CADM4: variants seen among roughly 807,000 people sequenced by gnomAD.
CADM4 encodes cell adhesion molecule 4.
Under a neutral mutation model 43.9 loss-of-function variants are expected in CADM4, and 13 were observed. The ratio of observed to expected loss-of-function variants is 0.30; its 90% CI spans 0.19 to 0.47. The LOEUF is 0.47. Ranked by LOEUF, CADM4 falls within the 20% of genes least tolerant of loss-of-function variation. The pLI is 1.00. For synonymous variants in CADM4, 209 were observed against 220.9 expected (o/e 0.95, Z 0.48); for missense variants, 420 against 527.0 (o/e 0.80, Z 1.99).
chr19:43,634,142 A>T (rs553731452), intron 1 of CADM4, among the ~76,000 whole-genome samples: 5 of 152,304 alleles, frequency 3.3e-5, no homozygotes, highest in Non-Finnish European at 7.4e-5. Flanking sequence ...TGCCCCATCT[A>T]TAAAATGGGA....
upstream of CADM4, among the ~76,000 whole-genome samples, chr19:43,640,167 T>C (rs1973758284): frequency 1.4e-5 from 2 of 143,852 alleles, no homozygotes; most frequent in African/African-American, 5.3e-5. Context: ...GTTGCTGGCA[T>C]GCAGGGTGCT....
intron 1 of CADM4, among the ~76,000 whole-genome samples, chr19:43,630,239 G>A (rs973004399): frequency 7.0e-6 from 1 of 143,528 alleles, no homozygotes; most frequent in African/African-American, 2.6e-5. Flanking sequence ...CCCGGCCTGC[G>A]CTACTATTAT....
rs551809559 is a variant in CADM4 at position 43,625,319 on chromosome 19, A to T, written c.756-69T>A. On this transcript the variant is annotated intron_variant, in intron 6 of 8. Coordinates refer to ENST00000222374, the MANE Select transcript of CADM4 (RefSeq NM_145296.2). This position sits in a 1 kb window ranked among gnomAD's most constrained non-coding sequence, Gnocchi z 4.5. ...CAGCACCCAATTCTGACTTGTCAAGAATCTAGACATGCAACTCTCATCCCG... is the reference window on the plus strand; with the variant it reads ...CAGCACCCAATTCTGACTTGTCAAGTATCTAGACATGCAACTCTCATCCCG... The T allele has an allele frequency of 1.2e-4, 173 of 1,478,834 alleles. No homozygotes were observed. The highest frequency in any genetic ancestry group is 1.0e-3 in the African/African-American group (72 of 71,574). 91.6% of individuals were successfully genotyped at this position (1,478,834 alleles called of 1,614,324 possible). A position where few individuals can be genotyped will look rare whatever the true frequency, so the allele number is the denominator to read the frequency against.
chr19:43,625,826 AC>A lies in CADM4; in HGVS notation c.755+84del. The stretch of plus-strand genomic sequence containing the variant: ...GGTCCTCAGCTCTCTCCTCCTTAGG[AC>A]CCAGGAGTCCAAGTCCCTGGTCCCT... On this transcript the variant is annotated intron_variant, in intron 6 of 8. Coordinates refer to ENST00000222374, the MANE Select transcript of CADM4 (RefSeq NM_145296.2). This position sits in a 1 kb window ranked among gnomAD's most constrained non-coding sequence, Gnocchi z 4.5. 2 of 1,146,696 alleles carry A rather than the reference AC, an allele frequency of 1.7e-6. No individual in the cohort carries two copies. The highest frequency in any genetic ancestry group is 2.6e-6 in the Non-Finnish European group (2 of 769,888). 71.0% of individuals were successfully genotyped at this position (1,146,696 alleles called of 1,614,324 possible).
In CADM4 at chr19:43,627,334, G is replaced by C. The variant is rs373195953; in HGVS notation, c.212-16C>G. The C allele has an allele frequency of 1.7e-5, 26 of 1,551,724 alleles. No individual in the cohort carries two copies. In the African/African-American group the frequency reaches 3.3e-4, roughly 20 times the overall value. On this transcript the variant is annotated splice_polypyrimidine_tract_variant and intron_variant, in intron 2 of 8. Transcript: ENST00000222374. This position sits in a 1 kb window ranked among gnomAD's most constrained non-coding sequence, Gnocchi z 4.0. The stretch of plus-strand genomic sequence containing the variant: ...TCCTTCAAGGCTAGAGAGAGTGAGG[G>C]GGAAGGTGTGAATTTCGGGAGTCCT...
chr19:43,640,979 T>G (rs1357248342), upstream of CADM4, among the ~76,000 whole-genome samples: 3 of 46,836 alleles, frequency 6.4e-5, no homozygotes, highest in South Asian at 1.1e-3. Context: ...CCCTCCCCCC[T>G]CCCCGCCCAG....
intron 8 of CADM4, 71 bp downstream of exon 8, chr19:43,624,043 G>A: frequency 1.3e-6 from 2 of 1,576,236 alleles, no homozygotes; most frequent in Non-Finnish European, 1.7e-6. Flanking sequence ...TCGTTACCCT[G>A]GCTCTAGGCC....
upstream of CADM4, among the ~76,000 whole-genome samples, chr19:43,640,778 C>A (rs893955625): frequency 6.6e-5 from 10 of 152,088 alleles, no homozygotes; most frequent in Non-Finnish European, 1.3e-4. Flanking sequence ...AGACTTAGGT[C>A]CCTTCTCCCT....
upstream of CADM4, among the ~76,000 whole-genome samples, chr19:43,640,910 G>A (rs1205330777): frequency 6.6e-6 from 1 of 152,104 alleles, no homozygotes; most frequent in Non-Finnish European, 1.5e-5. Context: ...CCTCTCTCAT[G>A]CCCATTTGTC....
At chr19:43,638,224 C>T (rs1247112238) in intron 1 of CADM4, among the ~76,000 whole-genome samples, 1 of 152,220 alleles carries the variant, frequency 6.6e-6, no homozygotes, top group African/African-American at 2.4e-5. Flanking sequence ...GAGTGGGGAA[C>T]ATGTAACCGC....
In CADM4 at chr19:43,626,864, T is replaced by A; in HGVS notation, c.419A>T (p.Glu140Val). 6.2e-7 allele frequency: 1 copy of A among 1,610,024 alleles called. No homozygotes were observed. Among genetic ancestry groups the A allele is most frequent in the Non-Finnish European group, 8.5e-7 (1 of 1,178,972 alleles). Residue 140 changes from glutamate to valine, a missense_variant, in exon 4 of 9, where the codon GAG becomes GTG. Physicochemically the swap from Glu to Val is moderately radical, Grantham distance 121. Transcript: ENST00000222374. This position sits in a 1 kb window ranked among gnomAD's most constrained non-coding sequence, Gnocchi z 5.9. ...EVREQAVEGGEVELSCLVPRS... is the reference protein window; with the variant it reads ...EVREQAVEGGVVELSCLVPRS... Reference sequence around the variant, plus strand: ...CGGAACGAGGCAGCTGAGCTCCACCTCGCCGCCCTCTACCGCCTGCTCCCG... The same window carrying A: ...CGGAACGAGGCAGCTGAGCTCCACCACGCCGCCCTCTACCGCCTGCTCCCG...
At position 43,626,059 on chromosome 19, in the gene CADM4, G is replaced by A. The variant is rs1301774907; in HGVS notation, c.665-58C>T. On this transcript the variant is annotated intron_variant, in intron 5 of 8. Coordinates refer to ENST00000222374, the MANE Select transcript of CADM4 (RefSeq NM_145296.2). The surrounding 1 kb of genome is among the most constrained non-coding windows in gnomAD (Gnocchi z 5.9). Reference sequence around the variant, plus strand: ...TCCAAGCCATCACGCAGGACAAGGGGGACCCTCGCGGGTGCGGGTGGCTGG... The same window carrying A: ...TCCAAGCCATCACGCAGGACAAGGGAGACCCTCGCGGGTGCGGGTGGCTGG... The A allele has an allele frequency of 6.2e-7, 1 of 1,612,210 alleles. No individual in the cohort carries two copies. Among genetic ancestry groups the A allele is most frequent in the African/African-American group, 1.3e-5 (1 of 74,870 alleles).
chr19:43,632,856 G>A lies in CADM4; in HGVS notation c.65-5066C>T, dbSNP rs542797518. ...ACCAGCACTTTTGAGAGGCCAAGGCGGGCAGATCACCTCAGGTCAGGAGTT... is the reference window on the plus strand; with the variant it reads ...ACCAGCACTTTTGAGAGGCCAAGGCAGGCAGATCACCTCAGGTCAGGAGTT... On this transcript the variant is annotated intron_variant, in intron 1 of 8. Coordinates refer to ENST00000222374, the MANE Select transcript of CADM4 (RefSeq NM_145296.2). Among the ~76,000 whole-genome samples, 10 of 152,074 alleles carry A rather than the reference G, an allele frequency of 6.6e-5. No homozygotes were observed. In the South Asian group the frequency reaches 8.3e-4, roughly 13 times the overall value.
chr19:43,627,254 T>C lies in CADM4; in HGVS notation c.276A>G (p.Ser92=). 1.2e-6 allele frequency: 2 copies of C among 1,612,646 alleles called. No individual in the cohort carries two copies. The highest frequency in any genetic ancestry group is 1.7e-6 in the Non-Finnish European group (2 of 1,179,346). ...CCCCCTCGTCCTCCAGGCGGGCATC[T>C]GAGAGCCGGATCCGCACCCGGCGTG... is the stretch of plus-strand genomic sequence containing the variant. ...FSPRRVRIRL[S]DARLEDEGGY... Residue 92 remains serine (S), a synonymous_variant, in exon 3 of 9, where the codon TCA becomes TCG. Transcript: ENST00000222374. This position sits in a 1 kb window ranked among gnomAD's most constrained non-coding sequence, Gnocchi z 4.0.
intron 1 of CADM4, among the ~76,000 whole-genome samples, chr19:43,634,685 G>A (rs978224969): frequency 6.6e-6 from 1 of 152,062 alleles, no homozygotes; most frequent in African/African-American, 2.4e-5. Context: ...AAACTGTGTT[G>A]ACAGCCAGGA....
intron 1 of CADM4, among the ~76,000 whole-genome samples, chr19:43,633,131 T>G (rs1410299895): frequency 1.3e-5 from 2 of 148,308 alleles, no homozygotes; most frequent in Non-Finnish European, 3.0e-5. Flanking sequence ...TGGAGTGCAG[T>G]GGTGCAATCA....
intron 1 of CADM4, among the ~76,000 whole-genome samples, chr19:43,631,369 A>G (rs1420513454): frequency 1.3e-5 from 2 of 152,022 alleles, no homozygotes; most frequent in East Asian, 1.9e-4. Context: ...AGAAATAAAT[A>G]AAAGAAAGTG....
rs1303614328 is a variant in CADM4, at chr19:43,625,505, G to A, written c.756-255C>T. On this transcript the variant is annotated intron_variant, in intron 6 of 8. Coordinates refer to ENST00000222374, the MANE Select transcript of CADM4 (RefSeq NM_145296.2). This position sits in a 1 kb window ranked among gnomAD's most constrained non-coding sequence, Gnocchi z 4.5. Reference sequence around the variant, plus strand: ...TCCCAGCACTTTAGGAGGCTGAGACGGGAGGACTGCTTAAGGCCAGCAGTT... The same window carrying A: ...TCCCAGCACTTTAGGAGGCTGAGACAGGAGGACTGCTTAAGGCCAGCAGTT... 6.6e-6 allele frequency among the ~76,000 whole-genome samples: 1 copy of A among 152,074 alleles called. No individual in the cohort carries two copies. Among genetic ancestry groups the A allele is most frequent in the Non-Finnish European group, 1.5e-5 (1 of 68,022 alleles).
At chr19:43,632,198 C>T (rs765224736) in intron 1 of CADM4, among the ~76,000 whole-genome samples, 1 of 152,200 alleles carries the variant, frequency 6.6e-6, no homozygotes, top group Non-Finnish European at 1.5e-5. Context: ...AAGTTCTCTC[C>T]CTTTCCCTCA....
Sources: allele counts gnomAD v4.1 joint callset (sites outside exome capture counted in the v4.1 genomes callset), GRCh38; gene constraint gnomAD v4.1.1; non-coding constraint Gnocchi (gnomAD v3.1); transcripts MANE v1.5; gene names NCBI Gene and HGNC (gene_info 2026-07-23, HGNC 2026-07-21).